The following SCAP variants were observed in gnomAD, a reference collection of about 807,000 sequenced individuals.
SCAP encodes the protein SREBF chaperone.
Under a neutral mutation model 123.6 loss-of-function variants are expected in SCAP, and 65 were observed. The ratio of observed to expected loss-of-function variants is 0.53; its 90% CI spans 0.43 to 0.65. The LOEUF (loss-of-function observed/expected upper bound fraction) is 0.65. Ranked by LOEUF, SCAP falls within the 30% of genes least tolerant of loss-of-function variation. The pLI, the probability that SCAP is intolerant of heterozygous loss-of-function variation, is 0.00. For missense variants in SCAP, 1,398 were observed against 1,712.5 expected (o/e 0.82, Z 3.24); for synonymous variants, 740 against 726.3 (o/e 1.02, Z -0.30).
rs1705824103 is a variant in SCAP at position 47,420,114 on chromosome 3, T to TCTCA, written c.1564-414_1564-411dup. Among the ~76,000 whole-genome samples the TCTCA allele has an allele frequency of 6.6e-6, 1 of 152,070 alleles. No individual in the cohort carries two copies. Among genetic ancestry groups the TCTCA allele is most frequent in the Admixed American group, 6.5e-5 (1 of 15,278 alleles). ...CCAGGGGGCCTCAGCCTTCCTCCCA[T>TCTCA]CTCAGTTCAGCTCCCTGGAAGAGGC... On this transcript the variant is annotated intron_variant, in intron 12 of 22. Transcript: ENST00000265565. This position sits in a 1 kb window ranked among gnomAD's most constrained non-coding sequence, Gnocchi z 5.0.
In SCAP at chr3:47,439,159, A is replaced by G. The variant is rs1222100896; in HGVS notation, c.122+3713T>C. On this transcript the variant is annotated intron_variant, in intron 2 of 22. Coordinates refer to ENST00000265565, the MANE Select transcript of SCAP (RefSeq NM_012235.4). This position sits in a 1 kb window ranked among gnomAD's most constrained non-coding sequence, Gnocchi z 4.0. ...CAAGGTGGCTTATGCCTATAATCCC[A>G]GGACTTTGGGAGGCTGAAGTGGGCA... 6.6e-6 allele frequency among the ~76,000 whole-genome samples: 1 copy of G among 152,150 alleles called. No homozygotes were observed. The highest frequency in any genetic ancestry group is 1.5e-5 in the Non-Finnish European group (1 of 68,036).
chr3:47,424,671 A>G (rs10865947), intron 8 of SCAP, among the ~76,000 whole-genome samples: 146,049 of 152,316 alleles, frequency 0.96, 70,342 homozygotes, highest in East Asian at 1. Context: ...GGGCCCTGTG[A>G]AGGGTATGGC....
chr3:47,443,654 A>G (rs764919099), intron 1 of SCAP, among the ~76,000 whole-genome samples: 1 of 152,222 alleles, frequency 6.6e-6, no homozygotes, highest in Non-Finnish European at 1.5e-5. Flanking sequence ...ATGGTCACCA[A>G]GCAAAATTCA....
At chr3:47,428,398 T>C in intron 4 of SCAP, 115 bp downstream of exon 4, 1 of 1,118,952 alleles carries the variant, frequency 8.9e-7, no homozygotes, top group Non-Finnish European at 1.3e-6. Flanking sequence ...TCCATCCTTC[T>C]TGCTTGTTCT....
intron 1 of SCAP, among the ~76,000 whole-genome samples, chr3:47,464,116 A>C (rs1707742550): frequency 6.6e-6 from 1 of 152,186 alleles, no homozygotes; most frequent in Non-Finnish European, 1.5e-5. Flanking sequence ...CCCAGGTTCA[A>C]GCAATTCTCC....
chr3:47,469,572 T>C (rs1707958132), intron 1 of SCAP, among the ~76,000 whole-genome samples: 1 of 152,204 alleles, frequency 6.6e-6, no homozygotes, highest in African/African-American at 2.4e-5. Flanking sequence ...TTGGCCAAGC[T>C]GGTCTTGAAC....
At chr3:47,455,079 AT>A (rs1707368339) in intron 1 of SCAP, among the ~76,000 whole-genome samples, 1 of 146,908 alleles carries the variant, frequency 6.8e-6, no homozygotes, top group African/African-American at 2.5e-5. Context: ...ATATATATAT[AT>A]ATATATATAT....
chr3:47,442,465 A>G (rs1161795139), intron 2 of SCAP, among the ~76,000 whole-genome samples: 2 of 152,190 alleles, frequency 1.3e-5, no homozygotes, highest in African/African-American at 4.8e-5. Flanking sequence ...AGCCTGCCAC[A>G]GGTTGTCCAA....
chr3:47,472,270 A>T (rs2108036065), intron 1 of SCAP, among the ~76,000 whole-genome samples: 1 of 150,772 alleles, frequency 6.6e-6, no homozygotes, highest in East Asian at 1.9e-4. Flanking sequence ...CGTCTCTACT[A>T]AAAATACAAA....
At chr3:47,435,945 G>A (rs1264441507) in intron 2 of SCAP, among the ~76,000 whole-genome samples, 1 of 151,848 alleles carries the variant, frequency 6.6e-6, no homozygotes, top group Non-Finnish European at 1.5e-5. Flanking sequence ...AGCTACTCAG[G>A]AGGCTTAGGT....
At chr3:47,476,443 C>T (rs1576329081), upstream of SCAP, among the ~76,000 whole-genome samples, 1 of 152,166 alleles carries the variant, frequency 6.6e-6, no homozygotes, top group Non-Finnish European at 1.5e-5. Flanking sequence ...ACAAGATGCT[C>T]ATGTTCCCTG....
intron 1 of SCAP, among the ~76,000 whole-genome samples, chr3:47,446,300 A>C (rs1436224724): frequency 6.6e-6 from 1 of 151,936 alleles, no homozygotes; most frequent in Non-Finnish European, 1.5e-5. Flanking sequence ...CAGCCTACCA[A>C]GTAGCTGGGA....
intron 18 of SCAP, 130 bp downstream of exon 18, chr3:47,416,992 C>A: frequency 1.3e-6 from 1 of 775,138 alleles, no homozygotes. Context: ...AGGTGTGGAG[C>A]TGGGCACCAA....
At chr3:47,440,980 C>T (rs1706777096) in intron 2 of SCAP, among the ~76,000 whole-genome samples, 1 of 151,520 alleles carries the variant, frequency 6.6e-6, no homozygotes, top group Non-Finnish European at 1.5e-5. Context: ...CAGCTCACTG[C>T]AATCTCCGTC....
Position 47,428,640 on chromosome 3 carries a change from GCTGGACATA to G in SCAP, c.274_282del (p.Tyr92_Gln94del). On this transcript the variant is annotated inframe_deletion, in exon 4 of 23. Transcript: ENST00000265565. ...AACACTGAGGACTTCACAAATATCT[GCTGGACATA>G]AGCCACCGGGGCACCCACATACTGC... is the stretch of plus-strand genomic sequence containing the variant. The G allele has an allele frequency of 3.1e-6, 5 of 1,614,150 alleles. No individual in the cohort carries two copies. Among genetic ancestry groups the G allele is most frequent in the Non-Finnish European group, 4.2e-6 (5 of 1,180,024 alleles).
chr3:47,418,703 G>C lies in SCAP; in HGVS notation c.2081C>G (p.Pro694Arg), dbSNP rs749300995. The change falls in exon 14 of 23, where the codon CCC (proline) becomes CGC (arginine). Residue 694 changes from proline to arginine, a missense_variant. This residue lies in a region of SCAP where 828 missense variants were observed against 882.5 expected (regional missense o/e 0.94). Transcript: ENST00000265565. ...PIPAGHWEAG[P>R]KGPGGVQAHG... is the part of the protein sequence containing the mutation. ...GGCCTGCACCCCACCTGGGCCCTTGGGTCCTGCTTCCCAGTGCCCAGCAGG... is the reference window on the plus strand; with the variant it reads ...GGCCTGCACCCCACCTGGGCCCTTGCGTCCTGCTTCCCAGTGCCCAGCAGG... 3.7e-6 allele frequency: 6 copies of C among 1,610,410 alleles called. No individual in the cohort carries two copies. Among genetic ancestry groups the C allele is most frequent in the South Asian group, 1.1e-5 (1 of 90,710 alleles).
intron 1 of SCAP, among the ~76,000 whole-genome samples, chr3:47,452,832 A>G (rs1328744556): frequency 6.6e-6 from 1 of 152,146 alleles, no homozygotes. Flanking sequence ...TAATGTCTGT[A>G]ATCCCAGCAG....
chr3:47,419,063 C>A lies in SCAP; in HGVS notation c.1941-220G>T, dbSNP rs971563084. On this transcript the variant is annotated intron_variant, in intron 13 of 22. Coordinates refer to ENST00000265565, the MANE Select transcript of SCAP (RefSeq NM_012235.4). This position sits in a 1 kb window ranked among gnomAD's most constrained non-coding sequence, Gnocchi z 5.0. Reference sequence around the variant, plus strand: ...CCAGCACCCAAACAGCCCTGGTGGCCGTGTGGGGTATCTCCCTCCCCACTC... The same window carrying A: ...CCAGCACCCAAACAGCCCTGGTGGCAGTGTGGGGTATCTCCCTCCCCACTC... Among the ~76,000 whole-genome samples, 1 of 152,098 alleles carries A rather than the reference C, an allele frequency of 6.6e-6. No homozygotes were observed. The highest frequency in any genetic ancestry group is 1.5e-5 in the Non-Finnish European group (1 of 67,994).
intron 1 of SCAP, among the ~76,000 whole-genome samples, chr3:47,466,095 T>C (rs1707815852): frequency 7.1e-6 from 1 of 139,976 alleles, no homozygotes; most frequent in African/African-American, 2.7e-5. Context: ...ATTGCGTCAC[T>C]GCACTCCAGC....
Sources: allele counts gnomAD v4.1 joint callset (sites outside exome capture counted in the v4.1 genomes callset), GRCh38; gene constraint gnomAD v4.1.1; regional missense constraint gnomAD v4.1.1; non-coding constraint Gnocchi (gnomAD v3.1); transcripts MANE v1.5; gene names NCBI Gene and HGNC (gene_info 2026-07-23, HGNC 2026-07-21).